Variants in INVS observed in about 807,000 individuals in gnomAD.
The protein encoded by INVS is inversion of embryo turning homolog.
INVS carries 86 observed loss-of-function variants against 108.8 expected under a neutral mutation model. The ratio of observed to expected loss-of-function variants is 0.79; its 90% CI spans 0.66 to 0.95. The LOEUF is 0.95. Ranked by LOEUF, INVS falls within the 40% of genes least tolerant of loss-of-function variation. The pLI is 0.00. For synonymous variants in INVS, 455 were observed against 473.5 expected (o/e 0.96, Z 0.51); for missense variants, 1,169 against 1,297.4 (o/e 0.90, Z 1.52).
At chr9:100,178,806 T>A (rs887876124) in intron 3 of INVS, among the ~76,000 whole-genome samples, 4 of 151,998 alleles carry the variant, frequency 2.6e-5, no homozygotes, top group Admixed American at 6.6e-5. Context: ...AGGATACTCC[T>A]CAAGAAGAGG....
Position 100,227,991 on chromosome 9 carries a change from C to CTTTTTT in INVS, c.448-1657_448-1652dup, listed in dbSNP as rs33912012. On this transcript the variant is annotated intron_variant, in intron 4 of 16. Coordinates refer to ENST00000262457, the MANE Select transcript of INVS (RefSeq NM_014425.5). ...CAAATAAACATTATTTTCTTTCTTT[C>CTTTTTT]TTTTTTTTTTTTTTTTTGAGACAGA... Among the ~76,000 whole-genome samples the CTTTTTT allele has an allele frequency of 1.0e-3, 139 of 133,384 alleles. 1 individual carries two copies. The highest frequency in any genetic ancestry group is 1.4e-3 in the Non-Finnish European group (86 of 63,698). The allele number at this position is 133,384 out of a possible 152,430, so 87.5% of individuals were successfully genotyped here.
intron 2 of INVS, among the ~76,000 whole-genome samples, chr9:100,105,183 A>G (rs1827132918): frequency 6.6e-6 from 1 of 152,222 alleles, no homozygotes; most frequent in Non-Finnish European, 1.5e-5. Context: ...AGATATTCAC[A>G]AGTTGCAAAT....
intron 5 of INVS, among the ~76,000 whole-genome samples, chr9:100,232,840 C>T (rs929284288): frequency 4.6e-5 from 7 of 151,980 alleles, no homozygotes; most frequent in African/African-American, 1.7e-4. Context: ...TATACAGGCT[C>T]TTTTTTTGTT....
intron 5 of INVS, among the ~76,000 whole-genome samples, chr9:100,230,705 GAC>G (rs1197732255): frequency 6.6e-6 from 1 of 152,040 alleles, no homozygotes; most frequent in Non-Finnish European, 1.5e-5. Flanking sequence ...TTTTAGTAGA[GAC>G]CGGGTTTCAC....
At chr9:100,253,581 C>T (rs556231259) in intron 10 of INVS, among the ~76,000 whole-genome samples, 2 of 152,172 alleles carry the variant, frequency 1.3e-5, no homozygotes. Flanking sequence ...CATCCCACAC[C>T]AGCCCCCGGT....
intron 12 of INVS, among the ~76,000 whole-genome samples, chr9:100,282,195 C>A (rs997758601): frequency 6.6e-6 from 1 of 152,164 alleles, no homozygotes; most frequent in Admixed American, 6.5e-5. Flanking sequence ...GATGCTTCCA[C>A]CTTCTTCTGA....
chr9:100,283,034 C>T (rs1452505325), intron 12 of INVS, among the ~76,000 whole-genome samples: 2 of 152,140 alleles, frequency 1.3e-5, no homozygotes, highest in Admixed American at 6.5e-5. Flanking sequence ...TTCAGCCGGG[C>T]GCGGTGGCTC....
chr9:100,223,075 T>C (rs1831202010), intron 3 of INVS, among the ~76,000 whole-genome samples: 1 of 151,808 alleles, frequency 6.6e-6, no homozygotes. Flanking sequence ...TAAGAATTTT[T>C]ATCATTTATT....
intron 3 of INVS, among the ~76,000 whole-genome samples, chr9:100,131,654 C>T (rs1828058179): frequency 6.6e-6 from 1 of 152,082 alleles, no homozygotes; most frequent in Admixed American, 6.6e-5. Flanking sequence ...GATAAAAAAG[C>T]TTTAGAAATA....
chr9:100,229,903 TG>T, intron 5 of INVS, 76 bp downstream of exon 5: 1 of 1,411,694 alleles, frequency 7.1e-7, no homozygotes, highest in Non-Finnish European at 9.8e-7. Context: ...TATACAAAAG[TG>T]TATATTTGAC....
intron 3 of INVS, among the ~76,000 whole-genome samples, chr9:100,135,283 T>TC (rs1828189345): frequency 6.6e-6 from 1 of 152,134 alleles, no homozygotes; most frequent in Non-Finnish European, 1.5e-5. Flanking sequence ...AGGTCAAATT[T>TC]CCCCCATCCT....
chr9:100,176,996 A>T (rs1247792248), intron 3 of INVS, among the ~76,000 whole-genome samples: 1 of 141,172 alleles, frequency 7.1e-6, no homozygotes, highest in African/African-American at 2.6e-5. Context: ...TATCACCTTT[A>T]AAAAAAAAAA....
chr9:100,171,635 G>T (rs1829544469), intron 3 of INVS, among the ~76,000 whole-genome samples: 1 of 152,118 alleles, frequency 6.6e-6, no homozygotes, highest in African/African-American at 2.4e-5. Flanking sequence ...TGAAGAGTTA[G>T]ATTTAAAACT....
At chr9:100,271,012 A>G (rs1339868006) in intron 11 of INVS, among the ~76,000 whole-genome samples, 1 of 152,150 alleles carries the variant, frequency 6.6e-6, no homozygotes, top group Non-Finnish European at 1.5e-5. Context: ...CAATATGACA[A>G]TAATATTCAT....
At chr9:100,130,820 C>T (rs1828034598) in intron 3 of INVS, 1 of 152,144 alleles carries the variant, frequency 6.6e-6, no homozygotes, top group South Asian at 2.1e-4. Flanking sequence ...AGGTGAACAA[C>T]ATGATTCCTG....
chr9:100,220,659 A>G (rs543051740), intron 3 of INVS, among the ~76,000 whole-genome samples: 14 of 152,190 alleles, frequency 9.2e-5, no homozygotes, highest in Admixed American at 9.2e-4. Context: ...ACCGTCCTCC[A>G]AACAGGATCA....
At chr9:100,217,570 G>A (rs978099762) in intron 3 of INVS, among the ~76,000 whole-genome samples, 4 of 152,178 alleles carry the variant, frequency 2.6e-5, no homozygotes, top group Non-Finnish European at 1.5e-5. Flanking sequence ...GGAGGACTCA[G>A]ATGGGCCCAG....
chr9:100,161,421 A>T (rs1829183956), intron 3 of INVS, among the ~76,000 whole-genome samples: 1 of 151,266 alleles, frequency 6.6e-6, no homozygotes, highest in African/African-American at 2.4e-5. Context: ...GTGCTCCAAA[A>T]GAATTTGAAT....
chr9:100,236,226 T>C (rs971419453), intron 5 of INVS, among the ~76,000 whole-genome samples: 2 of 152,250 alleles, frequency 1.3e-5, no homozygotes, highest in African/African-American at 2.4e-5. Flanking sequence ...TATGTTCTTC[T>C]ATAAACTGGT....
Sources: allele counts gnomAD v4.1 joint callset (sites outside exome capture counted in the v4.1 genomes callset), GRCh38; gene constraint gnomAD v4.1.1; transcripts MANE v1.5; gene names NCBI Gene and HGNC (gene_info 2026-07-23, HGNC 2026-07-21).